Variants in SYT1 observed in about 807,000 individuals in gnomAD.
The protein encoded by SYT1 is synaptotagmin 1.
Under a neutral mutation model 44.8 loss-of-function variants are expected in SYT1, and 8 were observed. The ratio of observed to expected loss-of-function variants is 0.18; its 90% CI spans 0.10 to 0.32. SYT1 has a LOEUF of 0.32. Among genes scored for constraint, SYT1 ranks in the 10% least tolerant of loss-of-function variants. The pLI is 1.00. For synonymous variants in SYT1, 154 were observed against 188.8 expected, an observed-to-expected ratio of 0.82 and a Z score of 1.51; for missense variants, 286 against 509.3, an observed-to-expected ratio of 0.56 and a Z score of 4.22.
intron 1 of SYT1, among the ~76,000 whole-genome samples, chr12:78,926,120 T>C (rs1283354361): frequency 6.6e-6 from 1 of 152,010 alleles, no homozygotes; most frequent in African/African-American, 2.4e-5. Flanking sequence ...AATTGTTAGA[T>C]TGCAGAGAAA....
At chr12:78,986,003 G>A (rs976239443) in intron 2 of SYT1, among the ~76,000 whole-genome samples, 1 of 152,116 alleles carries the variant, frequency 6.6e-6, no homozygotes, top group Admixed American at 6.6e-5. Flanking sequence ...ATTATATGCA[G>A]TTTTGCCTGC....
At chr12:79,314,589 G>GA (rs1033957027) in intron 8 of SYT1, among the ~76,000 whole-genome samples, 1 of 152,144 alleles carries the variant, frequency 6.6e-6, no homozygotes, top group Admixed American at 6.5e-5. Context: ...GCAAAGATGT[G>GA]AAAAAATTGG....
At chr12:79,435,244 A>G (rs1327367170) in intron 9 of SYT1, among the ~76,000 whole-genome samples, 1 of 152,232 alleles carries the variant, frequency 6.6e-6, no homozygotes, top group Non-Finnish European at 1.5e-5. Context: ...TATGTTAGAT[A>G]GGGAACAGAC....
chr12:79,445,990 C>CAT (rs59721146), intron 10 of SYT1, among the ~76,000 whole-genome samples: 1,321 of 44,018 alleles, frequency 0.03, 26 homozygotes, highest in Middle Eastern at 0.053. Context: ...AATCCAAAGA[C>CAT]ATATATATAT....
chr12:79,182,592 G>A (rs1006638778), intron 3 of SYT1, among the ~76,000 whole-genome samples: 7 of 152,146 alleles, frequency 4.6e-5, no homozygotes, highest in East Asian at 1.9e-4. Flanking sequence ...GATGATATGC[G>A]TATAGTTCAA....
intron 9 of SYT1, among the ~76,000 whole-genome samples, chr12:79,402,581 T>C (rs1380033540): frequency 6.6e-6 from 1 of 151,962 alleles, no homozygotes; most frequent in Admixed American, 6.6e-5. Flanking sequence ...TTCAATCACA[T>C]CGATGCCAGA....
At chr12:78,975,697 T>C (rs567758705) in intron 1 of SYT1, among the ~76,000 whole-genome samples, 1 of 152,310 alleles carries the variant, frequency 6.6e-6, no homozygotes, top group Admixed American at 6.5e-5. Context: ...ATCTTTGCTA[T>C]TTGGCTTCTA....
intron 3 of SYT1, among the ~76,000 whole-genome samples, chr12:79,053,425 T>A (rs548890897): frequency 6.6e-6 from 1 of 151,942 alleles, no homozygotes; most frequent in African/African-American, 2.4e-5. Flanking sequence ...AGTTAATGGG[T>A]GCAGCACACC....
intron 8 of SYT1, among the ~76,000 whole-genome samples, chr12:79,316,248 A>G (rs1881078931): frequency 6.6e-6 from 1 of 152,218 alleles, no homozygotes; most frequent in Non-Finnish European, 1.5e-5. Flanking sequence ...GTTTTGAACT[A>G]TATACCATGG....
chr12:79,009,526 A>G (rs1871292222), intron 2 of SYT1, among the ~76,000 whole-genome samples: 1 of 152,144 alleles, frequency 6.6e-6, no homozygotes, highest in Non-Finnish European at 1.5e-5. Flanking sequence ...CCCTGGTACC[A>G]TGATAAACAC....
chr12:79,361,885 G>C (rs1326925510), intron 9 of SYT1, among the ~76,000 whole-genome samples: 1 of 152,140 alleles, frequency 6.6e-6, no homozygotes, highest in Admixed American at 6.5e-5. Flanking sequence ...TTTTAGCAAG[G>C]GCTAATTCTG....
chr12:79,311,790 T>C (rs1006219176), intron 8 of SYT1, among the ~76,000 whole-genome samples: 1 of 144,976 alleles, frequency 6.9e-6, no homozygotes, highest in African/African-American at 2.6e-5. Context: ...ACACCGCATG[T>C]TCTCACTCAT....
intron 3 of SYT1, among the ~76,000 whole-genome samples, chr12:79,097,485 G>A (rs781182475): frequency 1.3e-5 from 2 of 152,006 alleles, no homozygotes; most frequent in South Asian, 2.1e-4. Context: ...TTAAACCTCT[G>A]AGGTATTAGA....
chr12:78,994,617 C>A (rs1386711538), intron 2 of SYT1, among the ~76,000 whole-genome samples: 1 of 145,542 alleles, frequency 6.9e-6, no homozygotes, highest in African/African-American at 2.5e-5. Context: ...CTCACTGCAA[C>A]CTCCACCCTC....
At chr12:79,045,954 A>G (rs138935528) in intron 2 of SYT1, 1 of 152,258 alleles carries the variant, frequency 6.6e-6, no homozygotes, top group Admixed American at 6.5e-5. Flanking sequence ...TGTTTACCTT[A>G]ATGTGTATGT....
intron 1 of SYT1, among the ~76,000 whole-genome samples, chr12:78,903,106 A>T (rs1875754019): frequency 6.6e-6 from 1 of 152,090 alleles, no homozygotes; most frequent in Admixed American, 6.6e-5. Flanking sequence ...CTCATGTGAA[A>T]GTAGTATGGC....
intron 9 of SYT1, among the ~76,000 whole-genome samples, chr12:79,408,213 G>T (rs1237122385): frequency 6.6e-6 from 1 of 152,116 alleles, no homozygotes; most frequent in Non-Finnish European, 1.5e-5. Context: ...ATTCTGGACT[G>T]CAGTTTTGCC....
intron 3 of SYT1, among the ~76,000 whole-genome samples, chr12:79,048,610 AT>A (rs1007557379): frequency 6.6e-5 from 10 of 151,930 alleles, no homozygotes; most frequent in Non-Finnish European, 8.8e-5. Flanking sequence ...AATCTATAAA[AT>A]TTATAATTCA....
chr12:79,271,688 A>G (rs1208393226), intron 4 of SYT1, among the ~76,000 whole-genome samples: 1 of 152,186 alleles, frequency 6.6e-6, no homozygotes, highest in Non-Finnish European at 1.5e-5. Context: ...ACTTGTCATG[A>G]AAAAACAGGC....
Sources: allele counts gnomAD v4.1 joint callset (sites outside exome capture counted in the v4.1 genomes callset), GRCh38; gene constraint gnomAD v4.1.1; transcripts MANE v1.5; gene names NCBI Gene and HGNC (gene_info 2026-07-23, HGNC 2026-07-21).